The following ATP9A variants were observed in gnomAD, a reference collection of about 807,000 sequenced individuals.
ATP9A encodes probable phospholipid-transporting ATPase IIA.
A neutral mutation model predicts 144.1 loss-of-function variants in ATP9A; 52 were observed. The observed-to-expected ratio is 0.36, with a 90% CI of 0.29 to 0.45. The LOEUF is 0.45. Among genes scored for constraint, ATP9A ranks in the 20% least tolerant of loss-of-function variants. ATP9A has a pLI of 1.00. For missense variants in ATP9A, 947 were observed against 1,392.7 expected, an observed-to-expected ratio of 0.68 and a Z score of 5.09; for synonymous variants, 582 against 557.4, an observed-to-expected ratio of 1.04 and a Z score of -0.62.
At chr20:51,628,491 T>C (rs140386859) in intron 16 of ATP9A, among the ~76,000 whole-genome samples, 87 of 152,350 alleles carry the variant, frequency 5.7e-4, no homozygotes, top group African/African-American at 2.0e-3. Context: ...GTGACTTCCA[T>C]CTTGTTTGCC....
intron 12 of ATP9A, 129 bp from the exon 13 acceptor site, chr20:51,670,238 G>A (rs538056193): frequency 1.5e-5 from 10 of 684,154 alleles, no homozygotes; most frequent in South Asian, 5.5e-5. Flanking sequence ...TGTCCCTGCT[G>A]GGGAAGACAC....
chr20:51,685,268 C>T (rs1446994509), intron 9 of ATP9A, among the ~76,000 whole-genome samples: 2 of 151,926 alleles, frequency 1.3e-5, no homozygotes, highest in African/African-American at 4.8e-5. Context: ...CTTCCAACAG[C>T]CATCCTGTTT....
At chr20:51,605,100 C>T (rs1003020114) in intron 26 of ATP9A, 80 bp from the exon 27 acceptor site, 16 of 1,293,282 alleles carry the variant, frequency 1.2e-5, no homozygotes, top group South Asian at 5.3e-5. Flanking sequence ...GGCTCCTTTC[C>T]GCAGTTTTCA....
chr20:51,704,271 C>T (rs1243404902), intron 4 of ATP9A, among the ~76,000 whole-genome samples: 5 of 151,190 alleles, frequency 3.3e-5, no homozygotes, highest in Non-Finnish European at 7.4e-5. Flanking sequence ...ATGGTCTTGC[C>T]GGTTTATGGT....
chr20:51,714,754 G>A (rs1352457473), intron 3 of ATP9A, among the ~76,000 whole-genome samples: 1 of 152,258 alleles, frequency 6.6e-6, no homozygotes, highest in Non-Finnish European at 1.5e-5. Flanking sequence ...AAAATGCTGG[G>A]ATTACAGGCA....
Position 51,613,647 on chromosome 20 carries a change from C to T in ATP9A, c.2571+30G>A, listed in dbSNP as rs747151886. 3.8e-6 allele frequency: 6 copies of T among 1,598,768 alleles called. No homozygotes were observed. The East Asian group carries it at 1.4e-4, about 36-fold the overall frequency. On this transcript the variant is annotated intron_variant, in intron 23 of 27. Transcript: ENST00000338821. ...CACCTACATGGTATAGCCACAGGCA[C>T]ATGTGCAGAGGGGCCAGCTGTCCAC...
In ATP9A at chr20:51,671,239, G is replaced by A. The variant is rs1237574322; in HGVS notation, c.1056C>T (p.Asp352=). ...IIPISLRVNL[D]MGKIVYSWVI... ...CCCAGCTGTACACGATCTTGCCCAT[G>A]TCCAGGTTCACACGCAAACTAGGCA... The change falls in exon 12 of 28, where the codon GAC becomes GAT. Residue 352 remains aspartate (D), a synonymous_variant. Transcript: ENST00000338821. 1 of 1,613,824 alleles carries A rather than the reference G, an allele frequency of 6.2e-7. No homozygotes were observed. The highest frequency in any genetic ancestry group is 8.5e-7 in the Non-Finnish European group (1 of 1,179,704).
intron 13 of ATP9A, among the ~76,000 whole-genome samples, chr20:51,668,503 G>A (rs1331784226): frequency 6.6e-6 from 1 of 152,026 alleles, no homozygotes; most frequent in African/African-American, 2.4e-5. Flanking sequence ...AGGGTGAGGG[G>A]CCATCCGGGG....
intron 15 of ATP9A, among the ~76,000 whole-genome samples, chr20:51,637,789 C>T (rs1433629316): frequency 1.3e-5 from 2 of 150,100 alleles, no homozygotes; most frequent in Admixed American, 6.7e-5. Flanking sequence ...ATGAGATTTT[C>T]GTGCACCCAT....
intron 4 of ATP9A, among the ~76,000 whole-genome samples, chr20:51,700,220 G>T (rs1252465342): frequency 1.3e-5 from 2 of 152,130 alleles, no homozygotes; most frequent in Non-Finnish European, 2.9e-5. Flanking sequence ...CCAATTAGAT[G>T]ATTAGAAATG....
chr20:51,748,750 A>T (rs2077818616), intron 1 of ATP9A, among the ~76,000 whole-genome samples: 1 of 152,134 alleles, frequency 6.6e-6, no homozygotes, highest in African/African-American at 2.4e-5. Context: ...GGGCACAAAG[A>T]CTTGTGTGAC....
chr20:51,701,288 TC>T (rs2077592241), intron 4 of ATP9A, among the ~76,000 whole-genome samples: 1 of 152,194 alleles, frequency 6.6e-6, no homozygotes, highest in African/African-American at 2.4e-5. Flanking sequence ...GAGGACAAAA[TC>T]AGGGAGATTT....
chr20:51,700,826 G>A (rs1021030874), intron 4 of ATP9A, among the ~76,000 whole-genome samples: 35 of 152,242 alleles, frequency 2.3e-4, no homozygotes, highest in Admixed American at 1.6e-3. Context: ...GCGAAACTCC[G>A]TCTCAAAAAA....
chr20:51,764,975 C>T lies in ATP9A; in HGVS notation c.68+3327G>A, dbSNP rs377667189. On this transcript the variant is annotated intron_variant, in intron 1 of 27. Transcript: ENST00000338821. Reference sequence around the variant, plus strand: ...ACCTCGAGTGATCCGCCCACCTTGGCCTCCCAAAGTGCTGGGATTACAGGC... The same window carrying T: ...ACCTCGAGTGATCCGCCCACCTTGGTCTCCCAAAGTGCTGGGATTACAGGC... Among the ~76,000 whole-genome samples the T allele has an allele frequency of 1.1e-4, 16 of 152,226 alleles. 3 individuals carry two copies. The highest frequency in any genetic ancestry group is 2.0e-4 in the Admixed American group (3 of 15,286).
intron 19 of ATP9A, among the ~76,000 whole-genome samples, chr20:51,620,209 G>C (rs570330227): frequency 4.9e-4 from 75 of 152,012 alleles, no homozygotes; most frequent in Non-Finnish European, 8.5e-4. Flanking sequence ...AAAAGCAGTC[G>C]TACACCATAT....
At chr20:51,637,295 T>C (rs932654204) in intron 15 of ATP9A, among the ~76,000 whole-genome samples, 2 of 116,178 alleles carry the variant, frequency 1.7e-5, no homozygotes, top group Non-Finnish European at 3.4e-5. Flanking sequence ...ATTTGATAAC[T>C]TCCCTAACAT....
intron 14 of ATP9A, among the ~76,000 whole-genome samples, chr20:51,647,466 C>T (rs1239598698): frequency 6.6e-6 from 1 of 151,276 alleles, no homozygotes; most frequent in Non-Finnish European, 1.5e-5. Context: ...CAGGAGAATC[C>T]CTTAAACCCG....
intron 4 of ATP9A, among the ~76,000 whole-genome samples, chr20:51,704,226 T>C (rs936902879): frequency 2.0e-5 from 3 of 150,512 alleles, no homozygotes; most frequent in Non-Finnish European, 4.4e-5. Context: ...GTAACAAGTT[T>C]ATACCCAACA....
At chr20:51,679,883 T>C (rs1007926703) in intron 9 of ATP9A, among the ~76,000 whole-genome samples, 1 of 152,172 alleles carries the variant, frequency 6.6e-6, no homozygotes, top group African/African-American at 2.4e-5. Flanking sequence ...TATTCGAGCA[T>C]GTGATCAGAG....
Sources: gnomAD v4.1 joint callset for allele counts (sites outside exome capture counted in the v4.1 genomes callset) on GRCh38, gnomAD v4.1.1 for gene constraint, MANE v1.5 for transcripts, NCBI Gene and HGNC (gene_info 2026-07-23, HGNC 2026-07-21) for gene names.